The following ZFAT variants were observed in gnomAD, a reference collection of about 807,000 sequenced individuals.
ZFAT encodes zinc finger protein ZFAT.
A neutral mutation model predicts 117.7 loss-of-function variants in ZFAT; 64 were observed. The observed-to-expected ratio is 0.54, with a 90% CI of 0.44 to 0.67. The LOEUF (loss-of-function observed/expected upper bound fraction) is 0.67, where lower values mean the gene tolerates loss of function less well. ZFAT is among the 30% of genes least tolerant of loss of function. The probability of loss-of-function intolerance (pLI) is 0.00; values close to 1 mark genes in which losing one functional copy is unlikely to be tolerated. For missense variants in ZFAT, 1,433 were observed against 1,584.5 expected (o/e 0.90, Z 1.62); for synonymous variants, 679 against 615.0 (o/e 1.10, Z -1.54).
rs1246234747 is a variant in ZFAT at position 134,674,295 on chromosome 8, G to T, written c.20-16558C>A. On this transcript the variant is annotated intron_variant, in intron 1 of 15. Transcript: ENST00000377838. ...TCGGTAGACCAGGAGATTTTCTCTG[G>T]TGCCTGGCTCGGCAGGTCCCACCCC... 2.0e-5 allele frequency among the ~76,000 whole-genome samples: 3 copies of T among 152,154 alleles called. No individual in the cohort carries two copies. In the South Asian group the frequency reaches 6.2e-4, roughly 32 times the overall value.
At chr8:134,636,763 A>G (rs1023338373) in intron 3 of ZFAT, among the ~76,000 whole-genome samples, 1 of 152,222 alleles carries the variant, frequency 6.6e-6, no homozygotes, top group Admixed American at 6.5e-5. Flanking sequence ...TCCTCCGACG[A>G]AGGCCATCTG....
chr8:134,801,037 C>G, the ZFAT span, among the ~76,000 whole-genome samples: 2 of 152,122 alleles, frequency 1.3e-5, no homozygotes, highest in Non-Finnish European at 2.9e-5. Flanking sequence ...AACAATCAAA[C>G]TTGCATTTAT....
chr8:134,603,716 C>T (rs1282290146), intron 5 of ZFAT, among the ~76,000 whole-genome samples: 1 of 152,220 alleles, frequency 6.6e-6, no homozygotes, highest in Non-Finnish European at 1.5e-5. Context: ...CTGGGGTGAG[C>T]ATGGGATACA....
intron 10 of ZFAT, among the ~76,000 whole-genome samples, chr8:134,566,243 A>C (rs913103960): frequency 1.3e-5 from 2 of 151,960 alleles, no homozygotes; most frequent in Non-Finnish European, 2.9e-5. Flanking sequence ...AAACACAAAA[A>C]ATTAGCCAGG....
At chr8:134,483,003 G>A (rs547197615) in intron 15 of ZFAT, among the ~76,000 whole-genome samples, 29 of 152,332 alleles carry the variant, frequency 1.9e-4, no homozygotes, top group African/African-American at 6.0e-4. Flanking sequence ...AAAAGCTAAC[G>A]TGTAGAGAGG....
At chr8:134,610,773 C>T in intron 3 of ZFAT, 118 bp from the exon 4 acceptor site, 1 of 1,114,874 alleles carries the variant, frequency 9.0e-7, no homozygotes, top group Non-Finnish European at 1.3e-6. Flanking sequence ...GTCTGCAGTG[C>T]CACGCAGACC....
chr8:134,483,873 C>T (rs1285759898), intron 15 of ZFAT, among the ~76,000 whole-genome samples: 1 of 152,190 alleles, frequency 6.6e-6, no homozygotes, highest in Non-Finnish European at 1.5e-5. Flanking sequence ...TTTAACCCAT[C>T]GTCATCCATT....
At chr8:134,492,600 T>G (rs1453304961) in intron 15 of ZFAT, among the ~76,000 whole-genome samples, 2 of 152,176 alleles carry the variant, frequency 1.3e-5, no homozygotes, top group African/African-American at 4.8e-5. Flanking sequence ...AACCAAGCAA[T>G]AGCTTCCTTT....
At chr8:134,667,817 C>G (rs1832313429) in intron 1 of ZFAT, among the ~76,000 whole-genome samples, 1 of 152,116 alleles carries the variant, frequency 6.6e-6, no homozygotes, top group South Asian at 2.1e-4. Context: ...GAGGCATCAC[C>G]TCACCCGGGA....
intron 11 of ZFAT, among the ~76,000 whole-genome samples, chr8:134,555,229 C>G (rs1823482920): frequency 6.6e-6 from 1 of 151,356 alleles, no homozygotes; most frequent in Non-Finnish European, 1.5e-5. Context: ...CTGCTGTCAA[C>G]CAGAGATGCT....
chr8:134,701,667 A>G (rs1340047786), intron 1 of ZFAT, among the ~76,000 whole-genome samples: 1 of 152,180 alleles, frequency 6.6e-6, no homozygotes, highest in Non-Finnish European at 1.5e-5. Flanking sequence ...TCCTCAAAGT[A>G]TGTTGTCTTT....
intron 3 of ZFAT, among the ~76,000 whole-genome samples, chr8:134,617,522 C>T (rs1828831405): frequency 6.6e-6 from 1 of 152,184 alleles, no homozygotes; most frequent in Non-Finnish European, 1.5e-5. Flanking sequence ...GACAGAAAGT[C>T]TGGGTTCTAA....
At chr8:134,697,299 A>C (rs1447890306) in intron 1 of ZFAT, among the ~76,000 whole-genome samples, 3 of 151,552 alleles carry the variant, frequency 2.0e-5, no homozygotes, top group Non-Finnish European at 4.4e-5. Flanking sequence ...TTTTTAGTAG[A>C]GACAGGGTTT....
At chr8:134,753,476 A>G in the ZFAT span, among the ~76,000 whole-genome samples, 1 of 152,226 alleles carries the variant, frequency 6.6e-6, no homozygotes, top group Admixed American at 6.5e-5. Context: ...AGGTATTTAA[A>G]TTCTCCCCCT....
At chr8:134,725,065 C>T in the ZFAT span, among the ~76,000 whole-genome samples, 1 of 152,158 alleles carries the variant, frequency 6.6e-6, no homozygotes, top group Non-Finnish European at 1.5e-5. Context: ...TGCAGATCTC[C>T]CTCCAGCTCT....
intron 11 of ZFAT, among the ~76,000 whole-genome samples, chr8:134,546,073 C>T (rs539700467): frequency 1.7e-4 from 26 of 152,292 alleles, no homozygotes; most frequent in East Asian, 7.7e-4. Flanking sequence ...ACACTGACGA[C>T]GACAACACTT....
At chr8:134,763,762 A>T in the ZFAT span, among the ~76,000 whole-genome samples, 1 of 152,210 alleles carries the variant, frequency 6.6e-6, no homozygotes, top group Admixed American at 6.5e-5. Context: ...TATCCGAGTC[A>T]GGTATTATTC....
chr8:134,542,016 G>A (rs1470804156), intron 11 of ZFAT, among the ~76,000 whole-genome samples: 2 of 152,144 alleles, frequency 1.3e-5, no homozygotes, highest in South Asian at 2.1e-4. Flanking sequence ...GACCTTGAAG[G>A]CCAGGCCAGC....
chr8:134,732,513 C>T, the ZFAT span, among the ~76,000 whole-genome samples: 43,331 of 152,070 alleles, frequency 0.28, 6,509 homozygotes, highest in East Asian at 0.41. Context: ...AGATTCTCTC[C>T]CTCACCCTCA....
Sources: gnomAD v4.1 joint callset for allele counts (sites outside exome capture counted in the v4.1 genomes callset) on GRCh38, gnomAD v4.1.1 for gene constraint, MANE v1.5 for transcripts, NCBI Gene and HGNC (gene_info 2026-07-23, HGNC 2026-07-21) for gene names.